The following RLN2 variants were observed in gnomAD, a reference collection of about 807,000 sequenced individuals.
RLN2 encodes the protein relaxin 2, also known as prorelaxin H2.
In RLN2, 10 loss-of-function variants were observed where a neutral mutation model predicts 7.3. That is an observed-to-expected ratio of 1.36 (90% CI 0.84 to 2.31). RLN2 has a LOEUF of 2.31. Among genes scored for constraint, RLN2 ranks in the 30% most tolerant of loss-of-function variants. The probability of loss-of-function intolerance (pLI) is 0.00; values close to 1 mark genes in which losing one functional copy is unlikely to be tolerated. For missense variants in RLN2, 298 were observed against 217.6 expected, an observed-to-expected ratio of 1.37 and a Z score of -2.32; for synonymous variants, 103 against 82.3, an observed-to-expected ratio of 1.25 and a Z score of -1.36.
At chr9:5,329,582 G>GAA in the RLN2 span, among the ~76,000 whole-genome samples, 334 of 145,226 alleles carry the variant, frequency 2.3e-3, 4 homozygotes, top group African/African-American at 6.3e-3. Flanking sequence ...GAAACGGAGA[G>GAA]AAAAAAAAAA....
upstream of RLN2, among the ~76,000 whole-genome samples, chr9:5,308,582 A>G (rs1389904922): frequency 6.6e-6 from 1 of 152,020 alleles, no homozygotes; most frequent in East Asian, 1.9e-4. Context: ...GAACATCACA[A>G]GGGACCCCAG....
At chr9:5,304,216 AACTT>A in intron 1 of RLN2, 150 bp downstream of exon 1, 1 of 559,208 alleles carries the variant, frequency 1.8e-6, no homozygotes, top group Non-Finnish European at 3.0e-6. Context: ...GAAAAGCCCA[AACTT>A]TAGGGACCAG....
chr9:5,337,412 C>T, the RLN2 span, among the ~76,000 whole-genome samples: 1 of 152,128 alleles, frequency 6.6e-6, no homozygotes. Flanking sequence ...GGAACCTAGG[C>T]TCAGAGAAAA....
At chr9:5,323,473 C>T in the RLN2 span, among the ~76,000 whole-genome samples, 7 of 151,922 alleles carry the variant, frequency 4.6e-5, no homozygotes, top group South Asian at 1.5e-3. Flanking sequence ...GTTACTTGTT[C>T]TTCCCTTTTA....
At chr9:5,323,965 T>C in the RLN2 span, among the ~76,000 whole-genome samples, 1 of 151,880 alleles carries the variant, frequency 6.6e-6, no homozygotes, top group East Asian at 1.9e-4. Context: ...GGAGAATCAC[T>C]TGAACCCAAA....
At chr9:5,324,076 T>C in the RLN2 span, among the ~76,000 whole-genome samples, 7 of 151,840 alleles carry the variant, frequency 4.6e-5, no homozygotes, top group African/African-American at 1.7e-4. Context: ...ATAAAAGATG[T>C]AATTCCAATC....
chr9:5,321,206 C>CTTA, the RLN2 span, among the ~76,000 whole-genome samples: 1 of 152,012 alleles, frequency 6.6e-6, no homozygotes, highest in Non-Finnish European at 1.5e-5. Flanking sequence ...AATGTGAAGG[C>CTTA]CACAAAACAA....
chr9:5,335,996 G>C, the RLN2 span, among the ~76,000 whole-genome samples: 1 of 151,972 alleles, frequency 6.6e-6, no homozygotes, highest in Non-Finnish European at 1.5e-5. Context: ...CCATTGCTAA[G>C]CTATGATTTC....
chr9:5,322,683 A>G, the RLN2 span, among the ~76,000 whole-genome samples: 3 of 149,152 alleles, frequency 2.0e-5, no homozygotes, highest in African/African-American at 7.8e-5. Flanking sequence ...CCAACCCACA[A>G]TAGAATATGG....
the RLN2 span, among the ~76,000 whole-genome samples, chr9:5,333,704 G>T: frequency 1.3e-5 from 2 of 151,860 alleles, no homozygotes; most frequent in Non-Finnish European, 2.9e-5. Flanking sequence ...AAACCTGGCA[G>T]ACATACAACA....
At chr9:5,309,498 T>A (rs772643546), upstream of RLN2, among the ~76,000 whole-genome samples, 19 of 151,970 alleles carry the variant, frequency 1.3e-4, no homozygotes, top group Admixed American at 2.0e-4. Context: ...TCCCTGACAG[T>A]TCCCCTACAT....
chr9:5,335,484 A>G, the RLN2 span: 1 of 1,613,424 alleles, frequency 6.2e-7, no homozygotes, highest in Non-Finnish European at 8.5e-7. Flanking sequence ...AGCTCTGGTA[A>G]TGATGGTTGC....
chr9:5,312,657 C>T, the RLN2 span, among the ~76,000 whole-genome samples: 20 of 151,788 alleles, frequency 1.3e-4, 1 homozygote, highest in African/African-American at 3.6e-4. Flanking sequence ...TGCCCATGTC[C>T]TGCCTGAAAT....
the RLN2 span, among the ~76,000 whole-genome samples, chr9:5,322,610 G>C: frequency 1.3e-5 from 2 of 151,896 alleles, no homozygotes; most frequent in Admixed American, 6.6e-5. Context: ...GTAATAATTA[G>C]ATGCTCTAAG....
chr9:5,333,220 C>T, the RLN2 span, among the ~76,000 whole-genome samples: 15 of 152,126 alleles, frequency 9.9e-5, no homozygotes, highest in African/African-American at 3.4e-4. Flanking sequence ...CATAAGATGA[C>T]AGAAGGAAAT....
At chr9:5,320,140 C>T in the RLN2 span, among the ~76,000 whole-genome samples, 3 of 151,610 alleles carry the variant, frequency 2.0e-5, no homozygotes, top group Non-Finnish European at 4.4e-5. Context: ...CACCTGCCAC[C>T]ACATCTGGCT....
chr9:5,321,642 G>A, the RLN2 span, among the ~76,000 whole-genome samples: 2 of 151,834 alleles, frequency 1.3e-5, no homozygotes, highest in Non-Finnish European at 2.9e-5. Context: ...GGGAAGCAAT[G>A]GAGAAAAAGA....
At chr9:5,314,379 C>T in the RLN2 span, among the ~76,000 whole-genome samples, 4 of 151,980 alleles carry the variant, frequency 2.6e-5, no homozygotes, top group Admixed American at 2.0e-4. Flanking sequence ...GGCCCTGCCC[C>T]GTGAAGGCTT....
At chr9:5,335,827 C>T in the RLN2 span, among the ~76,000 whole-genome samples, 12 of 151,996 alleles carry the variant, frequency 7.9e-5, no homozygotes, top group Non-Finnish European at 1.5e-4. Flanking sequence ...GGTCCTCTCT[C>T]GTCTCTCTTC....
Sources: gnomAD v4.1 joint callset for allele counts (sites outside exome capture counted in the v4.1 genomes callset) on GRCh38, gnomAD v4.1.1 for gene constraint, MANE v1.5 for transcripts, NCBI Gene and HGNC (gene_info 2026-07-23, HGNC 2026-07-21) for gene names.